Variants in DIAPH3 observed in about 807,000 individuals in gnomAD.
DIAPH3 encodes the protein protein diaphanous homolog 3.
DIAPH3 carries 117 observed loss-of-function variants against 144.3 expected under a neutral mutation model. That is an observed-to-expected ratio of 0.81 (90% CI 0.70 to 0.95). DIAPH3 has a LOEUF of 0.95. DIAPH3 is among the 40% of genes least tolerant of loss of function. DIAPH3 has a pLI of 0.00. For missense variants in DIAPH3, 1,421 were observed against 1,412.7 expected, an observed-to-expected ratio of 1.01 and a Z score of -0.09; for synonymous variants, 519 against 488.9, an observed-to-expected ratio of 1.06 and a Z score of -0.81.
At chr13:60,111,570 C>T (rs1831317616) in intron 3 of DIAPH3, among the ~76,000 whole-genome samples, 1 of 152,162 alleles carries the variant, frequency 6.6e-6, no homozygotes, top group South Asian at 2.1e-4. Context: ...GGAGCACAAA[C>T]TCCATGGTGA....
At chr13:59,818,448 T>A (rs895394452) in intron 24 of DIAPH3, among the ~76,000 whole-genome samples, 2 of 151,892 alleles carry the variant, frequency 1.3e-5, no homozygotes, top group African/African-American at 4.8e-5. Flanking sequence ...CTAATTGTTG[T>A]TGCTTTGGGG....
At position 60,103,223 on chromosome 13, in the gene DIAPH3, C is replaced by T. The variant is rs142511979; in HGVS notation, c.390+8787G>A. The stretch of plus-strand genomic sequence containing the variant: ...TGCAACTCGTTGGAGCACTAAGGCA[C>T]AATCAAGCAGAGAACAGCAATGAGA... On this transcript the variant is annotated intron_variant, in intron 3 of 27. Coordinates refer to ENST00000400324, the MANE Select transcript of DIAPH3 (RefSeq NM_001042517.2). Among the ~76,000 whole-genome samples the T allele has an allele frequency of 2.2e-3, 341 of 152,004 alleles. 3 individuals carry two copies. The highest frequency in any genetic ancestry group is 7.9e-3 in the African/African-American group (328 of 41,450).
At chr13:60,016,510 C>G (rs1358511228) in intron 5 of DIAPH3, among the ~76,000 whole-genome samples, 1 of 152,134 alleles carries the variant, frequency 6.6e-6, no homozygotes, top group African/African-American at 2.4e-5. Flanking sequence ...AGAGCTGGCT[C>G]TAAACATTTA....
At chr13:59,958,642 GAAGT>G (rs1400646636) in intron 17 of DIAPH3, among the ~76,000 whole-genome samples, 5 of 151,880 alleles carry the variant, frequency 3.3e-5, no homozygotes, top group Non-Finnish European at 7.4e-5. Flanking sequence ...AGAAAAAAAT[GAAGT>G]TAGTAGTATA....
intron 27 of DIAPH3, among the ~76,000 whole-genome samples, chr13:59,711,699 T>G (rs1448305739): frequency 3.9e-5 from 6 of 152,224 alleles, no homozygotes; most frequent in Non-Finnish European, 7.3e-5. Flanking sequence ...CCCAGAGAAC[T>G]TAATAATTTT....
intron 27 of DIAPH3, among the ~76,000 whole-genome samples, chr13:59,709,431 G>C (rs533028904): frequency 3.3e-5 from 5 of 152,054 alleles, no homozygotes; most frequent in African/African-American, 1.2e-4. Flanking sequence ...AAAAGGTGGC[G>C]AAGGACATGA....
chr13:59,698,807 T>C (rs1461554965), intron 27 of DIAPH3, among the ~76,000 whole-genome samples: 1 of 152,178 alleles, frequency 6.6e-6, no homozygotes, highest in Non-Finnish European at 1.5e-5. Context: ...AGAATTAGGA[T>C]GGCATGGTGC....
chr13:59,942,470 T>C (rs1329496512), intron 17 of DIAPH3, among the ~76,000 whole-genome samples: 1 of 152,160 alleles, frequency 6.6e-6, no homozygotes, highest in Non-Finnish European at 1.5e-5. Context: ...AACATGCTAT[T>C]CCAGCTAATT....
At chr13:59,739,221 T>C (rs190338785) in intron 27 of DIAPH3, among the ~76,000 whole-genome samples, 1 of 152,340 alleles carries the variant, frequency 6.6e-6, no homozygotes, top group Admixed American at 6.5e-5. Flanking sequence ...TAATGTGCTG[T>C]ATAAAATAAA....
At chr13:60,133,533 G>A (rs1370688866) in intron 1 of DIAPH3, among the ~76,000 whole-genome samples, 1 of 152,060 alleles carries the variant, frequency 6.6e-6, no homozygotes, top group Non-Finnish European at 1.5e-5. Flanking sequence ...GTACTAAAAT[G>A]ACTATTTGCA....
intron 7 of DIAPH3, among the ~76,000 whole-genome samples, chr13:60,014,408 T>G (rs2140975240): frequency 6.6e-6 from 1 of 152,178 alleles, no homozygotes; most frequent in East Asian, 1.9e-4. Flanking sequence ...TAGAAAGGAG[T>G]TGTGATTCCT....
chr13:59,912,427 T>C lies in DIAPH3; in HGVS notation c.2266-591A>G, dbSNP rs1375685982. 3.2e-4 allele frequency among the ~76,000 whole-genome samples: 48 copies of C among 152,136 alleles called. 1 individual carries two copies. Among genetic ancestry groups the C allele is most frequent in the Admixed American group, 3.1e-3 (48 of 15,274 alleles). ...AATTTTAAAAGGTGTTGAAGACACA[T>C]GATGATTGATATACCTTGCAGATAA... On this transcript the variant is annotated intron_variant, in intron 19 of 27. Transcript: ENST00000400324.
chr13:59,805,452 A>C (rs2040142408), intron 25 of DIAPH3, among the ~76,000 whole-genome samples: 1 of 152,064 alleles, frequency 6.6e-6, no homozygotes, highest in South Asian at 2.1e-4. Flanking sequence ...TTTTAAATTA[A>C]TAACCACTAG....
chr13:59,752,083 C>T (rs1324436943), intron 27 of DIAPH3, among the ~76,000 whole-genome samples: 1 of 152,168 alleles, frequency 6.6e-6, no homozygotes, highest in African/African-American at 2.4e-5. Context: ...GTCTCTTTCC[C>T]AGCCAATATC....
chr13:59,829,792 T>C (rs978049320), intron 24 of DIAPH3, among the ~76,000 whole-genome samples: 8 of 151,752 alleles, frequency 5.3e-5, no homozygotes, highest in African/African-American at 7.3e-5. Context: ...GCTCCAAACA[T>C]AGGAAACAGT....
chr13:60,029,346 A>G (rs1293759871), intron 5 of DIAPH3, among the ~76,000 whole-genome samples: 1 of 151,950 alleles, frequency 6.6e-6, no homozygotes, highest in Non-Finnish European at 1.5e-5. Context: ...AGAGCCTCCT[A>G]TCTCACACCT....
At chr13:60,071,833 C>T (rs1410389905) in intron 4 of DIAPH3, among the ~76,000 whole-genome samples, 1 of 152,002 alleles carries the variant, frequency 6.6e-6, no homozygotes, top group Non-Finnish European at 1.5e-5. Flanking sequence ...TCTAATCAAT[C>T]TAATCTAATC....
chr13:59,800,748 C>T (rs2039862910), intron 25 of DIAPH3, among the ~76,000 whole-genome samples: 1 of 152,112 alleles, frequency 6.6e-6, no homozygotes, highest in Admixed American at 6.5e-5. Context: ...GTAGTGGGAG[C>T]AGAACTAGCA....
chr13:59,706,629 T>G (rs2034444957), intron 27 of DIAPH3, among the ~76,000 whole-genome samples: 1 of 152,190 alleles, frequency 6.6e-6, no homozygotes, highest in African/African-American at 2.4e-5. Context: ...CTCCAAATGA[T>G]AAGACACTTT....
Sources: gnomAD v4.1 joint callset for allele counts (sites outside exome capture counted in the v4.1 genomes callset) on GRCh38, gnomAD v4.1.1 for gene constraint, MANE v1.5 for transcripts, NCBI Gene and HGNC (gene_info 2026-07-23, HGNC 2026-07-21) for gene names.